COL23A1: variants seen among roughly 807,000 people sequenced by gnomAD.
The protein encoded by COL23A1 is collagen alpha-1(XXIII) chain.
A neutral mutation model predicts 99.3 loss-of-function variants in COL23A1; 97 were observed. The observed-to-expected ratio is 0.98, with a 90% CI of 0.83 to 1.16. The LOEUF (loss-of-function observed/expected upper bound fraction) is 1.16. Ranked by LOEUF, COL23A1 falls within the 50% of genes most tolerant of loss-of-function variation. The pLI, the probability that COL23A1 is intolerant of heterozygous loss-of-function variation, is 0.00. For missense variants in COL23A1, 762 were observed against 757.4 expected, an observed-to-expected ratio of 1.01 and a Z score of -0.07; for synonymous variants, 320 against 308.2, an observed-to-expected ratio of 1.04 and a Z score of -0.40.
chr5:178,286,110 T>C (rs908457043), intron 5 of COL23A1, among the ~76,000 whole-genome samples: 8 of 152,186 alleles, frequency 5.3e-5, no homozygotes, highest in Non-Finnish European at 1.2e-4. Flanking sequence ...GGGGTCTGTG[T>C]GTAAGCTGGG....
At chr5:178,254,893 A>G in intron 16 of COL23A1, 56 bp downstream of exon 16, 1 of 1,450,908 alleles carries the variant, frequency 6.9e-7, no homozygotes, top group South Asian at 1.1e-5. Flanking sequence ...GGGAGTGATT[A>G]TTCCCTAAGG....
At chr5:178,350,441 T>C (rs971321973) in intron 2 of COL23A1, among the ~76,000 whole-genome samples, 1 of 152,070 alleles carries the variant, frequency 6.6e-6, no homozygotes, top group Non-Finnish European at 1.5e-5. Context: ...GCACGGCATC[T>C]AGGGCAGGGC....
At chr5:178,550,288 T>C (rs989969896) in intron 2 of COL23A1, among the ~76,000 whole-genome samples, 3 of 152,236 alleles carry the variant, frequency 2.0e-5, no homozygotes, top group African/African-American at 7.2e-5. Flanking sequence ...TTTTCTTCTA[T>C]GGCAAGGTTT....
chr5:178,337,998 C>T (rs555761270), intron 2 of COL23A1, among the ~76,000 whole-genome samples: 1 of 152,154 alleles, frequency 6.6e-6, no homozygotes, highest in Non-Finnish European at 1.5e-5. Context: ...CTCCTGACAA[C>T]TCCGTGAAGT....
At chr5:178,478,593 C>A (rs796798337) in intron 2 of COL23A1, among the ~76,000 whole-genome samples, 39 of 152,330 alleles carry the variant, frequency 2.6e-4, no homozygotes, top group African/African-American at 9.4e-4. Flanking sequence ...TGGGTCCCAG[C>A]TGGGCGGCAA....
At chr5:178,413,023 C>A (rs539004990) in intron 2 of COL23A1, among the ~76,000 whole-genome samples, 12 of 148,300 alleles carry the variant, frequency 8.1e-5, no homozygotes, top group South Asian at 2.1e-4. Flanking sequence ...CCCATTTCTA[C>A]AAAAAAAAAA....
At chr5:178,300,456 C>T (rs920039102) in intron 3 of COL23A1, among the ~76,000 whole-genome samples, 2 of 152,092 alleles carry the variant, frequency 1.3e-5, no homozygotes, top group Admixed American at 6.5e-5. Flanking sequence ...ATCCTACTGC[C>T]GTTTGGCTTT....
Position 178,242,352 on chromosome 5 carries a change from G to C in COL23A1, c.1483C>G (p.Arg495Gly). ...PRGEKGDRSE[R>G]GEKGERGVPG... ...CCAGCTGCCCTCACCTTCTCTCCAC[G>C]CTCGCTCCGATCACCTTTCTCTCCT... Residue 495 changes from arginine (R) to glycine (G), a missense_variant, in exon 26 of 29, where the codon CGT becomes GGT. Coordinates refer to ENST00000390654, the MANE Select transcript of COL23A1 (RefSeq NM_173465.4). The C allele has an allele frequency of 6.2e-7, 1 of 1,613,822 alleles. No individual in the cohort carries two copies. The highest frequency in any genetic ancestry group is 8.5e-7 in the Non-Finnish European group (1 of 1,179,928).
chr5:178,540,690 C>T (rs111665586), intron 2 of COL23A1, among the ~76,000 whole-genome samples: 2,144 of 151,922 alleles, frequency 0.014, 55 homozygotes, highest in African/African-American at 0.049. Context: ...GGGAGGCTGA[C>T]GTGGGAGGAT....
At chr5:178,586,718 A>G (rs111830592) in intron 1 of COL23A1, among the ~76,000 whole-genome samples, 1,600 of 152,292 alleles carry the variant, frequency 0.011, 17 homozygotes, top group Non-Finnish European at 0.016. Flanking sequence ...AATGTCAAGG[A>G]AACAAATGTA....
At chr5:178,499,194 C>G (rs1163909769) in intron 2 of COL23A1, among the ~76,000 whole-genome samples, 1 of 152,080 alleles carries the variant, frequency 6.6e-6, no homozygotes, top group Non-Finnish European at 1.5e-5. Flanking sequence ...CACATAAAAC[C>G]CCACAAAAAT....
chr5:178,345,123 G>A, intron 2 of COL23A1: 2 of 603,230 alleles, frequency 3.3e-6, no homozygotes, highest in South Asian at 2.9e-5. Flanking sequence ...CAGGAAGATG[G>A]TCATCTAAAG....
rs542341954 is a variant in COL23A1, at chr5:178,556,415, G to C, written c.361+4267C>G. Among the ~76,000 whole-genome samples, 717 of 152,276 alleles carry C rather than the reference G, an allele frequency of 4.7e-3. 2 individuals carry two copies. Among genetic ancestry groups the C allele is most frequent in the Middle Eastern group, 0.017 (5 of 294 alleles). On this transcript the variant is annotated intron_variant, in intron 2 of 28. Transcript: ENST00000390654. ...AGGCGGGTGTATCACCTGAGGTCAG[G>C]AGTTCGAGACCAGCCTGGCCAACAT...
chr5:178,356,165 C>G (rs11950817), intron 2 of COL23A1, among the ~76,000 whole-genome samples: 40,017 of 152,020 alleles, frequency 0.26, 5,707 homozygotes, highest in African/African-American at 0.36. Context: ...ATAGGCAAAG[C>G]CACAGAGACG....
intron 2 of COL23A1, chr5:178,345,100 G>A: frequency 1.7e-6 from 1 of 592,866 alleles, no homozygotes; most frequent in Non-Finnish European, 3.3e-6. Context: ...CTGGTAATTG[G>A]CACGACATCT....
chr5:178,509,433 G>A (rs1295942616), intron 2 of COL23A1, among the ~76,000 whole-genome samples: 1 of 151,954 alleles, frequency 6.6e-6, no homozygotes, highest in East Asian at 1.9e-4. Flanking sequence ...ATCTTGGCCG[G>A]GCTGGTTTTG....
chr5:178,440,176 T>G (rs1766784528), intron 2 of COL23A1, among the ~76,000 whole-genome samples: 1 of 152,106 alleles, frequency 6.6e-6, no homozygotes, highest in African/African-American at 2.4e-5. Context: ...ATAAAGCTGT[T>G]AAAAAAACAA....
chr5:178,561,343 G>C (rs1762550778), intron 1 of COL23A1, among the ~76,000 whole-genome samples: 1 of 152,064 alleles, frequency 6.6e-6, no homozygotes, highest in Non-Finnish European at 1.5e-5. Context: ...AATTTGGTTC[G>C]GTAAAATTTA....
chr5:178,245,869 C>A, intron 25 of COL23A1, 73 bp downstream of exon 25: 3 of 1,543,646 alleles, frequency 1.9e-6, no homozygotes, highest in Non-Finnish European at 2.7e-6. Context: ...GTAGCCAGAT[C>A]AGGTTACTGC....
Sources: allele counts gnomAD v4.1 joint callset (sites outside exome capture counted in the v4.1 genomes callset), GRCh38; gene constraint gnomAD v4.1.1; transcripts MANE v1.5; gene names NCBI Gene and HGNC (gene_info 2026-07-23, HGNC 2026-07-21).